ADGRD1: variants seen among roughly 807,000 people sequenced by gnomAD.
The protein encoded by ADGRD1 is G-protein coupled receptor 133.
In ADGRD1, 77 loss-of-function variants were observed where a neutral mutation model predicts 113.4. The observed-to-expected ratio is 0.68, with a 90% CI of 0.57 to 0.82. The LOEUF (loss-of-function observed/expected upper bound fraction) is 0.82, where lower values mean the gene tolerates loss of function less well. Among genes scored for constraint, ADGRD1 ranks in the 40% least tolerant of loss-of-function variants. The pLI, the probability that ADGRD1 is intolerant of heterozygous loss-of-function variation, is 0.00. For synonymous variants in ADGRD1, 474 were observed against 475.0 expected (o/e 1.00, Z 0.03); for missense variants, 1,036 against 1,139.1 (o/e 0.91, Z 1.30).
chr12:131,049,094 G>A (rs756387634), intron 13 of ADGRD1, among the ~76,000 whole-genome samples: 13 of 152,248 alleles, frequency 8.5e-5, no homozygotes, highest in Non-Finnish European at 1.3e-4. Flanking sequence ...TGTACGTCAC[G>A]AGCACTCTGG....
At chr12:131,138,096 G>GC in intron 23 of ADGRD1, 41 bp from the exon 24 acceptor site, 2 of 1,529,864 alleles carry the variant, frequency 1.3e-6, no homozygotes, top group Non-Finnish European at 1.8e-6. Context: ...GGCTGTTGCA[G>GC]CCTCTGAAAT....
chr12:131,132,960 T>C (rs1002518448), intron 21 of ADGRD1, among the ~76,000 whole-genome samples: 36 of 152,232 alleles, frequency 2.4e-4, no homozygotes, highest in African/African-American at 8.7e-4. Context: ...AATTAGTCTG[T>C]AATGAATTCC....
chr12:131,107,412 G>A (rs1950258945), intron 17 of ADGRD1, among the ~76,000 whole-genome samples: 1 of 150,702 alleles, frequency 6.6e-6, no homozygotes, highest in Admixed American at 6.6e-5. Flanking sequence ...GCAGGGAAGG[G>A]CTCTGATGGG....
chr12:131,089,168 A>G (rs1269723385), intron 15 of ADGRD1, among the ~76,000 whole-genome samples: 1 of 152,198 alleles, frequency 6.6e-6, no homozygotes, highest in Non-Finnish European at 1.5e-5. Context: ...CATGTGAAGA[A>G]CTTCCCTTGT....
intron 15 of ADGRD1, among the ~76,000 whole-genome samples, chr12:131,104,033 C>T (rs761784670): frequency 2.0e-5 from 3 of 152,238 alleles, no homozygotes; most frequent in Non-Finnish European, 4.4e-5. Context: ...CGGTGAACTG[C>T]GGCTTCGGTT....
chr12:131,016,667 C>T (rs900049415), intron 13 of ADGRD1, among the ~76,000 whole-genome samples: 14 of 152,136 alleles, frequency 9.2e-5, no homozygotes, highest in African/African-American at 2.4e-4. Context: ...CCAAGGTGGG[C>T]GGATCACCTG....
At chr12:130,993,264 C>A (rs1874668281) in intron 8 of ADGRD1, among the ~76,000 whole-genome samples, 1 of 151,882 alleles carries the variant, frequency 6.6e-6, no homozygotes, top group Non-Finnish European at 1.5e-5. Context: ...AAGTCACACC[C>A]AAAGAAGCAC....
rs550216870 is a variant in ADGRD1 at position 131,076,431 on chromosome 12, C to T, written c.1474-370C>T. ...GGGAAGGTCTCTCTGAGGAGCTCCT[C>T]CTGCAGAGGCCTGGTAGGGAGTGGG... On this transcript the variant is annotated intron_variant, in intron 13 of 24. Transcript: ENST00000261654. Among the ~76,000 whole-genome samples the T allele has an allele frequency of 5.9e-4, 90 of 152,234 alleles. No homozygotes were observed. In the South Asian group the frequency reaches 0.018, roughly 30 times the overall value.
chr12:131,018,429 G>A (rs1337548603), intron 13 of ADGRD1, among the ~76,000 whole-genome samples: 2 of 151,334 alleles, frequency 1.3e-5, no homozygotes, highest in African/African-American at 4.9e-5. Context: ...CTTAGAGATC[G>A]GTTCATCCCC....
chr12:131,100,430 G>T (rs1950042826), intron 15 of ADGRD1, among the ~76,000 whole-genome samples: 3 of 151,758 alleles, frequency 2.0e-5, no homozygotes, highest in Non-Finnish European at 4.4e-5. Context: ...GTTGATGGTG[G>T]AGTTGGTTGA....
intron 13 of ADGRD1, among the ~76,000 whole-genome samples, chr12:131,059,430 C>T (rs1381904872): frequency 6.6e-6 from 1 of 152,234 alleles, no homozygotes; most frequent in Non-Finnish European, 1.5e-5. Context: ...ATCTGCCCCC[C>T]TCGGCCTCCC....
chr12:131,108,233 T>A (rs1950275538), intron 17 of ADGRD1, among the ~76,000 whole-genome samples: 1 of 152,174 alleles, frequency 6.6e-6, no homozygotes, highest in African/African-American at 2.4e-5. Context: ...GTCAATTTAG[T>A]TAGAACTAGA....
intron 13 of ADGRD1, among the ~76,000 whole-genome samples, chr12:131,054,373 A>G (rs926859327): frequency 6.6e-6 from 1 of 152,118 alleles, no homozygotes; most frequent in Non-Finnish European, 1.5e-5. Context: ...CTTTTGTATG[A>G]TGGAATTGTA....
intron 13 of ADGRD1, among the ~76,000 whole-genome samples, chr12:131,025,342 C>T (rs28582328): frequency 6.0e-4 from 92 of 152,186 alleles, no homozygotes; most frequent in African/African-American, 2.1e-3. Flanking sequence ...GGGGCCTGCT[C>T]TTCTAAGTTA....
Position 131,003,109 on chromosome 12 carries a change from G to GTGCCTGGTGCACC in ADGRD1, c.1027-65_1027-53dup, listed in dbSNP as rs1415742893. Reference sequence around the variant, plus strand: ...CCAACGTGGGGAAACTTGATTTTGTGTGCCTGGTGCACCTGCCTGGTGCCC... The same window carrying GTGCCTGGTGCACC: ...CCAACGTGGGGAAACTTGATTTTGTGTGCCTGGTGCACCTGCCTGGTGCACCTGCCTGGTGCCC... On this transcript the variant is annotated intron_variant, in intron 9 of 24. Transcript: ENST00000261654. This position sits in a 1 kb window ranked among gnomAD's most constrained non-coding sequence, Gnocchi z 4.8. 1 of 1,158,776 alleles carries GTGCCTGGTGCACC rather than the reference G, an allele frequency of 8.6e-7. No homozygotes were observed. The highest frequency in any genetic ancestry group is 1.3e-6 in the Non-Finnish European group (1 of 768,062). 71.8% of individuals were successfully genotyped at this position (1,158,776 alleles called of 1,614,324 possible).
chr12:131,039,213 C>T (rs1881862677), intron 13 of ADGRD1, among the ~76,000 whole-genome samples: 3 of 114,190 alleles, frequency 2.6e-5, no homozygotes, highest in South Asian at 4.5e-4. Flanking sequence ...CGGGACGGTG[C>T]GGAGAGCCCT....
At chr12:131,015,223 A>G (rs1878413335) in intron 13 of ADGRD1, among the ~76,000 whole-genome samples, 1 of 152,238 alleles carries the variant, frequency 6.6e-6, no homozygotes, top group South Asian at 2.1e-4. Flanking sequence ...CCCACCTGGG[A>G]GGGGCCCACA....
At chr12:131,008,779 C>T (rs1877505277) in intron 12 of ADGRD1, among the ~76,000 whole-genome samples, 1 of 152,218 alleles carries the variant, frequency 6.6e-6, no homozygotes, top group Admixed American at 6.5e-5. Context: ...GGGGCTGAGA[C>T]TGGCCTGCTC....
chr12:130,954,877 T>C lies in ADGRD1; in HGVS notation c.103+217T>C, dbSNP rs1869336829. 6.6e-6 allele frequency among the ~76,000 whole-genome samples: 1 copy of C among 151,534 alleles called. No homozygotes were observed. Among genetic ancestry groups the C allele is most frequent in the African/African-American group, 2.4e-5 (1 of 41,186 alleles). On this transcript the variant is annotated intron_variant, in intron 2 of 24. Transcript: ENST00000261654. The surrounding 1 kb of genome is among the most constrained non-coding windows in gnomAD (Gnocchi z 4.7). The stretch of plus-strand genomic sequence containing the variant: ...GGATGGAGAAGTGGTTCTGGGCCCC[T>C]TGAGCTGGGTCATATGAAACATTGT...
Sources: allele counts gnomAD v4.1 joint callset (sites outside exome capture counted in the v4.1 genomes callset), GRCh38; gene constraint gnomAD v4.1.1; non-coding constraint Gnocchi (gnomAD v3.1); transcripts MANE v1.5; gene names NCBI Gene and HGNC (gene_info 2026-07-23, HGNC 2026-07-21).